Variants in CDC14A observed in about 807,000 individuals in gnomAD.
The protein encoded by CDC14A is cell division cycle 14A, also known as dual specificity protein phosphatase CDC14A.
Under a neutral mutation model 74.4 loss-of-function variants are expected in CDC14A, and 53 were observed. The ratio of observed to expected loss-of-function variants is 0.71; its 90% confidence interval spans 0.57 to 0.89. The LOEUF is 0.89. Among genes scored for constraint, CDC14A ranks in the 40% least tolerant of loss-of-function variants. The pLI is 0.00. For synonymous variants in CDC14A, 247 were observed against 258.4 expected, an observed-to-expected ratio of 0.96 and a Z score of 0.43; for missense variants, 646 against 713.7, an observed-to-expected ratio of 0.91 and a Z score of 1.08.
At chr1:100,472,159 A>C (rs1048933047) in intron 10 of CDC14A, among the ~76,000 whole-genome samples, 4 of 152,194 alleles carry the variant, frequency 2.6e-5, no homozygotes, top group African/African-American at 9.6e-5. Context: ...AGAAACATGA[A>C]AAGACATTTC....
At chr1:100,470,033 A>G (rs990452286) in intron 10 of CDC14A, among the ~76,000 whole-genome samples, 2 of 152,208 alleles carry the variant, frequency 1.3e-5, no homozygotes, top group African/African-American at 4.8e-5. Context: ...AGTCCTCCAA[A>G]ATGATATACA....
In CDC14A at chr1:100,499,215, A is replaced by C; in HGVS notation, c.1708A>C (p.Thr570Pro). The change falls in exon 15 of 16, where the codon ACC becomes CCC. Residue 570 changes from threonine to proline, a missense_variant. Physicochemically the swap from Thr to Pro is conservative, Grantham distance 38. Transcript: ENST00000336454. ...EHTTILRPSY[T>P]GLSSSSARFL... ...CACCACCATCCTCCGACCCTCCTAC[A>C]CCGGGCTTTCTTCTTCTTCAGCGAG... The C allele has an allele frequency of 6.2e-7, 1 of 1,614,052 alleles. No homozygotes were observed. The highest frequency in any genetic ancestry group is 8.5e-7 in the Non-Finnish European group (1 of 1,180,002).
intron 8 of CDC14A, among the ~76,000 whole-genome samples, chr1:100,460,929 C>T (rs1557783980): frequency 1.3e-5 from 2 of 152,116 alleles, no homozygotes; most frequent in Admixed American, 6.5e-5. Context: ...AGCTCATAGA[C>T]TTTAAGAAAA....
At chr1:100,500,646 A>AC (rs1012722734) in intron 15 of CDC14A, among the ~76,000 whole-genome samples, 1 of 149,682 alleles carries the variant, frequency 6.7e-6, no homozygotes, top group African/African-American at 2.5e-5. Flanking sequence ...AATCCCAGCT[A>AC]CCATAAGGCA....
At chr1:100,464,219 A>T (rs1485258998) in intron 9 of CDC14A, among the ~76,000 whole-genome samples, 1 of 152,232 alleles carries the variant, frequency 6.6e-6, no homozygotes. Context: ...AGGGCTCCCC[A>T]TGCCAGGCTC....
chr1:100,476,119 C>T (rs1668869296), intron 10 of CDC14A, among the ~76,000 whole-genome samples: 1 of 152,110 alleles, frequency 6.6e-6, no homozygotes, highest in Non-Finnish European at 1.5e-5. Flanking sequence ...TTTCCTGTTC[C>T]TTTGACTAGA....
intron 2 of CDC14A, among the ~76,000 whole-genome samples, chr1:100,364,159 T>A (rs1177894086): frequency 2.0e-5 from 3 of 152,062 alleles, no homozygotes; most frequent in African/African-American, 7.2e-5. Flanking sequence ...CAATTTACTT[T>A]TTTTCTGTCA....
rs1571376737 is a variant in CDC14A at position 100,520,148 on chromosome 1, T to A, written c.*1868T>A. ...TAGAAAGTATATAGCAAAGTAATTT[T>A]ACTCTGATAATAAAAATTGTTTGAC... On this transcript the variant is annotated 3_prime_UTR_variant, in exon 16 of 16. Coordinates refer to ENST00000336454, the MANE Select transcript of CDC14A (RefSeq NM_003672.4). 6.6e-6 allele frequency: 1 copy of A among 152,612 alleles called. No homozygotes were observed. The highest frequency in any genetic ancestry group is 1.9e-4 in the East Asian group (1 of 5,206). The allele number at this position is 152,612 out of a possible 1,614,324, so 9.5% of individuals were successfully genotyped here.
chr1:100,377,721 C>A, intron 3 of CDC14A, 100 bp downstream of exon 3: 1 of 803,394 alleles, frequency 1.2e-6, no homozygotes. Context: ...GTCAGGTGAT[C>A]TTGATCTCTG....
intron 9 of CDC14A, among the ~76,000 whole-genome samples, chr1:100,464,921 C>T (rs1021955763): frequency 1.3e-4 from 19 of 146,140 alleles, no homozygotes; most frequent in South Asian, 2.1e-4. Flanking sequence ...CTTTTCTTTT[C>T]TTTTCTTTTT....
intron 6 of CDC14A, among the ~76,000 whole-genome samples, chr1:100,440,272 T>C (rs567915369): frequency 4.7e-4 from 72 of 152,318 alleles, no homozygotes; most frequent in Non-Finnish European, 5.9e-5. Context: ...GTGACATTGC[T>C]TTGTCACATG....
intron 3 of CDC14A, among the ~76,000 whole-genome samples, chr1:100,380,918 G>T (rs1656015545): frequency 6.6e-6 from 1 of 152,128 alleles, no homozygotes; most frequent in African/African-American, 2.4e-5. Context: ...TTAATACCTT[G>T]TCCAGCCACC....
intron 15 of CDC14A, among the ~76,000 whole-genome samples, chr1:100,502,018 T>A (rs1557835372): frequency 6.6e-6 from 1 of 152,128 alleles, no homozygotes; most frequent in African/African-American, 2.4e-5. Flanking sequence ...ATAAAAACAT[T>A]AAAAAATAGT....
chr1:100,390,211 A>G (rs1032424825), intron 3 of CDC14A, among the ~76,000 whole-genome samples: 1 of 152,224 alleles, frequency 6.6e-6, no homozygotes, highest in Non-Finnish European at 1.5e-5. Flanking sequence ...CCATTAACCA[A>G]GTATTTTCAG....
intron 15 of CDC14A, among the ~76,000 whole-genome samples, chr1:100,514,111 TG>T (rs5776513): frequency 0.87 from 132,808 of 152,092 alleles, 60,500 homozygotes; most frequent in Non-Finnish European, 1. Flanking sequence ...TAAAATCTCT[TG>T]GTTATATAAA....
intron 11 of CDC14A, among the ~76,000 whole-genome samples, chr1:100,489,007 T>C (rs890101885): frequency 6.6e-6 from 1 of 152,002 alleles, no homozygotes; most frequent in Non-Finnish European, 1.5e-5. Context: ...GGCCAGGGAG[T>C]TGGTGATGGG....
intron 3 of CDC14A, among the ~76,000 whole-genome samples, chr1:100,384,116 C>T (rs1656525745): frequency 1.3e-5 from 2 of 152,164 alleles, no homozygotes; most frequent in African/African-American, 4.8e-5. Flanking sequence ...AGTGATCCCA[C>T]TAGAATATAA....
intron 4 of CDC14A, among the ~76,000 whole-genome samples, chr1:100,420,138 T>G (rs1213045064): frequency 3.7e-5 from 5 of 134,566 alleles, no homozygotes; most frequent in African/African-American, 5.3e-5. Flanking sequence ...TTTTTTTTTT[T>G]TTTTTTTGGA....
intron 10 of CDC14A, among the ~76,000 whole-genome samples, chr1:100,475,325 T>C (rs1668780585): frequency 6.6e-6 from 1 of 152,236 alleles, no homozygotes; most frequent in Non-Finnish European, 1.5e-5. Flanking sequence ...TAATTGTTTG[T>C]TGGGGCATTT....
Sources: gnomAD v4.1 joint callset for allele counts (sites outside exome capture counted in the v4.1 genomes callset) on GRCh38, gnomAD v4.1.1 for gene constraint, MANE v1.5 for transcripts, NCBI Gene and HGNC (gene_info 2026-07-23, HGNC 2026-07-21) for gene names.